The following PIP4K2A variants were observed in gnomAD, a reference collection of about 807,000 sequenced individuals.
PIP4K2A encodes phosphatidylinositol-5-phosphate 4-kinase type 2 alpha.
A neutral mutation model predicts 42.9 loss-of-function variants in PIP4K2A; 14 were observed. The observed-to-expected ratio is 0.33, with a 90% CI of 0.22 to 0.51. The LOEUF is 0.51. Among genes scored for constraint, PIP4K2A ranks in the 20% least tolerant of loss-of-function variants. PIP4K2A has a pLI of 0.97. For missense variants in PIP4K2A, 434 were observed against 519.8 expected (o/e 0.83, Z 1.61); for synonymous variants, 192 against 192.2 (o/e 1.00, Z 0.01).
chr10:22,541,078 T>C (rs1836097432), intron 8 of PIP4K2A, among the ~76,000 whole-genome samples: 1 of 152,234 alleles, frequency 6.6e-6, no homozygotes, highest in South Asian at 2.1e-4. Flanking sequence ...CAAAAATATT[T>C]TGGTATTGTC....
intron 2 of PIP4K2A, among the ~76,000 whole-genome samples, chr10:22,608,975 A>G (rs566836442): frequency 2.6e-4 from 40 of 152,338 alleles, no homozygotes; most frequent in African/African-American, 8.4e-4. Flanking sequence ...ACAACCAGAT[A>G]AATTAAATTA....
At chr10:22,658,372 A>T (rs933640987) in intron 1 of PIP4K2A, among the ~76,000 whole-genome samples, 3 of 152,242 alleles carry the variant, frequency 2.0e-5, no homozygotes, top group Non-Finnish European at 4.4e-5. Flanking sequence ...CACCATCTCT[A>T]ATACTTGAGG....
At chr10:22,570,623 C>G (rs1461550957) in intron 5 of PIP4K2A, among the ~76,000 whole-genome samples, 1 of 152,228 alleles carries the variant, frequency 6.6e-6, no homozygotes, top group East Asian at 1.9e-4. Context: ...TTCACTTAGA[C>G]TAGCATTTCT....
At chr10:22,569,858 A>T (rs1352964670) in intron 5 of PIP4K2A, among the ~76,000 whole-genome samples, 4 of 152,244 alleles carry the variant, frequency 2.6e-5, no homozygotes, top group Non-Finnish European at 5.9e-5. Context: ...GAAGGCCAAG[A>T]GTTTAAGCCA....
At chr10:22,570,058 G>A (rs979785267) in intron 5 of PIP4K2A, among the ~76,000 whole-genome samples, 1 of 151,778 alleles carries the variant, frequency 6.6e-6, no homozygotes, top group Non-Finnish European at 1.5e-5. Context: ...TGTCCGAGGC[G>A]CTATCTTAGG....
Position 22,653,199 on chromosome 10 carries a change from T to G in PIP4K2A, c.145-43482A>C, listed in dbSNP as rs1839028273. On this transcript the variant is annotated intron_variant, in intron 1 of 9. Transcript: ENST00000376573. ...GACAACTCTAAGAAGAAAAATAGTT[T>G]CAAAGAATAAAGAAGAAGATATGGA... Among the ~76,000 whole-genome samples the G allele has an allele frequency of 2.0e-5, 3 of 152,216 alleles. No homozygotes were observed. The East Asian group carries it at 5.8e-4, about 29-fold the overall frequency.
At chr10:22,664,228 T>TATACATATATAC (rs1554807358) in intron 1 of PIP4K2A, among the ~76,000 whole-genome samples, 2 of 89,886 alleles carry the variant, frequency 2.2e-5, no homozygotes, top group Non-Finnish European at 3.9e-5. Flanking sequence ...CATATATATA[T>TATACATATATAC]ACACACACAC....
At chr10:22,647,316 GTGTGTGTA>G (rs71395808) in intron 1 of PIP4K2A, among the ~76,000 whole-genome samples, 27,103 of 141,092 alleles carry the variant, frequency 0.19, 2,575 homozygotes, top group Non-Finnish European at 0.24. Context: ...TACTGTGTGT[GTGTGTGTA>G]TGTGTGTGTG....
At chr10:22,664,863 T>C (rs1839318787) in intron 1 of PIP4K2A, among the ~76,000 whole-genome samples, 1 of 152,094 alleles carries the variant, frequency 6.6e-6, no homozygotes, top group Non-Finnish European at 1.5e-5. Flanking sequence ...TATATTAGAA[T>C]ACTAATAACA....
intron 3 of PIP4K2A, among the ~76,000 whole-genome samples, chr10:22,604,169 C>G (rs765783772): frequency 2.0e-5 from 3 of 152,094 alleles, no homozygotes; most frequent in Non-Finnish European, 4.4e-5. Context: ...AAATCAAAAC[C>G]AGAGGAAAGA....
intron 1 of PIP4K2A, among the ~76,000 whole-genome samples, chr10:22,710,405 G>A (rs903394038): frequency 2.6e-5 from 4 of 152,212 alleles, no homozygotes; most frequent in African/African-American, 4.8e-5. Context: ...TCCAAGGGAC[G>A]GCCACAAATG....
chr10:22,641,027 T>G (rs1187084251), intron 1 of PIP4K2A, among the ~76,000 whole-genome samples: 1 of 152,216 alleles, frequency 6.6e-6, no homozygotes, highest in African/African-American at 2.4e-5. Context: ...TTATCAAGCC[T>G]TATCAGCTCA....
At chr10:22,713,643 C>A (rs1009421340) in intron 1 of PIP4K2A, among the ~76,000 whole-genome samples, 1 of 152,228 alleles carries the variant, frequency 6.6e-6, no homozygotes, top group African/African-American at 2.4e-5. Context: ...AGCACTAAAG[C>A]TGCTGCCCCA....
At chr10:22,537,419 AAAAACATCACTC>A in intron 9 of PIP4K2A, 138 bp from the exon 10 acceptor site, 1 of 656,920 alleles carries the variant, frequency 1.5e-6, no homozygotes, top group Non-Finnish European at 2.7e-6. Context: ...CTCTGCTCTG[AAAAACATCACTC>A]AAAATATCTT....
At chr10:22,653,746 T>C (rs936807094) in intron 1 of PIP4K2A, among the ~76,000 whole-genome samples, 18 of 152,094 alleles carry the variant, frequency 1.2e-4, no homozygotes, top group African/African-American at 3.4e-4. Flanking sequence ...AAATCCTGTC[T>C]CTACTGTAAT....
chr10:22,669,139 T>TGTA (rs1370573412), intron 1 of PIP4K2A, among the ~76,000 whole-genome samples: 1 of 152,176 alleles, frequency 6.6e-6, no homozygotes, highest in Non-Finnish European at 1.5e-5. Context: ...GTCACAGTAC[T>TGTA]AGCCATATGC....
chr10:22,552,653 C>A (rs866336343), intron 6 of PIP4K2A, among the ~76,000 whole-genome samples: 1 of 152,222 alleles, frequency 6.6e-6, no homozygotes, highest in Middle Eastern at 3.4e-3. Context: ...AACATAAGCA[C>A]TGCCCAAAAC....
chr10:22,605,790 T>A (rs988443861), intron 3 of PIP4K2A, among the ~76,000 whole-genome samples: 1 of 151,938 alleles, frequency 6.6e-6, no homozygotes, highest in African/African-American at 2.4e-5. Context: ...CAGCTTTTCT[T>A]AAGGCAGAGG....
intron 1 of PIP4K2A, among the ~76,000 whole-genome samples, chr10:22,688,578 G>A (rs191530438): frequency 1.2e-3 from 181 of 152,094 alleles, no homozygotes; most frequent in Non-Finnish European, 2.1e-3. Context: ...TCAGCCTCCC[G>A]AGTAGCTGAG....
Sources: gnomAD v4.1 joint callset for allele counts (sites outside exome capture counted in the v4.1 genomes callset) on GRCh38, gnomAD v4.1.1 for gene constraint, MANE v1.5 for transcripts, NCBI Gene and HGNC (gene_info 2026-07-23, HGNC 2026-07-21) for gene names.